The following CFAP70 variants were observed in gnomAD, a reference collection of about 807,000 sequenced individuals.
The protein encoded by CFAP70 is cilia- and flagella-associated protein 70.
CFAP70 carries 81 observed loss-of-function variants against 137.6 expected under a neutral mutation model. That is an observed-to-expected ratio of 0.59 (90% CI 0.49 to 0.71). The LOEUF is 0.71. Ranked by LOEUF, CFAP70 falls within the 30% of genes least tolerant of loss-of-function variation. CFAP70 has a pLI of 0.00. For synonymous variants in CFAP70, 382 were observed against 423.6 expected, an observed-to-expected ratio of 0.90 and a Z score of 1.20; for missense variants, 976 against 1,226.7, an observed-to-expected ratio of 0.80 and a Z score of 3.05.
At chr10:73,359,191 A>G (rs1477021402), upstream of CFAP70, among the ~76,000 whole-genome samples, 7 of 152,244 alleles carry the variant, frequency 4.6e-5, no homozygotes, top group Non-Finnish European at 7.3e-5. Flanking sequence ...TATTTGTACA[A>G]TAAACAGACC....
chr10:73,256,836 GA>G (rs1301177255), intron 25 of CFAP70, among the ~76,000 whole-genome samples: 1 of 146,866 alleles, frequency 6.8e-6, no homozygotes, highest in African/African-American at 2.5e-5. Flanking sequence ...CCAGGAGGCA[GA>G]GGTTGCAGTG....
At chr10:73,326,609 A>G (rs1418366063) in intron 8 of CFAP70, among the ~76,000 whole-genome samples, 1 of 151,764 alleles carries the variant, frequency 6.6e-6, no homozygotes, top group African/African-American at 2.4e-5. Context: ...TAAAGAAGAA[A>G]AGAGAGAAGA....
At chr10:73,338,443 T>A (rs904094016) in intron 6 of CFAP70, among the ~76,000 whole-genome samples, 19 of 148,284 alleles carry the variant, frequency 1.3e-4, no homozygotes, top group African/African-American at 4.0e-4. Flanking sequence ...TTTTTTTTTT[T>A]TTTTTTTTAG....
At chr10:73,262,389 G>A (rs1471627001) in intron 25 of CFAP70, among the ~76,000 whole-genome samples, 3 of 152,058 alleles carry the variant, frequency 2.0e-5, no homozygotes, top group African/African-American at 4.8e-5. Flanking sequence ...TGGTCTCACA[G>A]TGCTTGTATT....
intron 4 of CFAP70, among the ~76,000 whole-genome samples, chr10:73,347,887 T>A (rs2132483896): frequency 6.6e-6 from 1 of 152,334 alleles, no homozygotes; most frequent in Middle Eastern, 3.4e-3. Context: ...TGCCTCTACC[T>A]GCGGACAAAG....
exon 18 of CFAP70, chr10:73,291,705 G>A: frequency 6.2e-7 from 1 of 1,614,062 alleles, no homozygotes; most frequent in Non-Finnish European, 8.5e-7. Context: ...GAAAATTTCT[G>A]CTTGCTCATA....
chr10:73,326,589 G>A (rs1214288439), intron 8 of CFAP70, among the ~76,000 whole-genome samples: 1 of 150,192 alleles, frequency 6.7e-6, no homozygotes, highest in Admixed American at 6.6e-5. Context: ...TAGACTGCTA[G>A]CAAGACTAAT....
intron 25 of CFAP70, among the ~76,000 whole-genome samples, chr10:73,264,152 A>G (rs2045539563): frequency 6.6e-6 from 1 of 152,122 alleles, no homozygotes; most frequent in African/African-American, 2.4e-5. Flanking sequence ...TTTCTGACTC[A>G]ACAAGATCTC....
intron 6 of CFAP70, among the ~76,000 whole-genome samples, chr10:73,336,813 T>C (rs1258102295): frequency 1.3e-5 from 2 of 151,948 alleles, no homozygotes; most frequent in African/African-American, 4.8e-5. Context: ...CCTGACCTCG[T>C]GCTCAGCCTG....
Position 73,335,904 on chromosome 10 carries a change from G to A in CFAP70, c.583-380C>T, listed in dbSNP as rs557454054. On this transcript the variant is annotated intron_variant, in intron 6 of 26. Coordinates refer to ENST00000310715, the Ensembl canonical transcript of CFAP70. ...ACCTGTAATCCCAACACTTTAGGAG[G>A]CCAAGGCAGGAGTACTGCTTGAGGC... 4.6e-5 allele frequency among the ~76,000 whole-genome samples: 7 copies of A among 151,360 alleles called. No homozygotes were observed. The East Asian group carries it at 1.4e-3, about 29-fold the overall frequency.
At chr10:73,350,363 G>A (rs775629588) in intron 3 of CFAP70, among the ~76,000 whole-genome samples, 1 of 152,060 alleles carries the variant, frequency 6.6e-6, no homozygotes, top group Non-Finnish European at 1.5e-5. Flanking sequence ...GATGAAAATA[G>A]CATCTAAACA....
At chr10:73,259,434 C>T (rs1207177580) in intron 25 of CFAP70, among the ~76,000 whole-genome samples, 2 of 152,074 alleles carry the variant, frequency 1.3e-5, no homozygotes, top group African/African-American at 2.4e-5. Flanking sequence ...ACTGCATATT[C>T]CTATATTGTT....
chr10:73,332,360 C>A (rs2052197714), intron 7 of CFAP70, among the ~76,000 whole-genome samples: 1 of 152,070 alleles, frequency 6.6e-6, no homozygotes, highest in South Asian at 2.1e-4. Flanking sequence ...AGAAAAGTAA[C>A]CATTTTGAAA....
At chr10:73,311,879 A>G (rs762174888) in exon 11 of CFAP70, 1 of 1,614,078 alleles carries the variant, frequency 6.2e-7, no homozygotes, top group South Asian at 1.1e-5. Context: ...CTTCCAAAGG[A>G]GTATCTGAGC....
upstream of CFAP70, among the ~76,000 whole-genome samples, chr10:73,360,197 G>C (rs1024827377): frequency 6.6e-6 from 1 of 152,180 alleles, no homozygotes; most frequent in African/African-American, 2.4e-5. Flanking sequence ...TGATGTGGAA[G>C]TTTGTTTGTT....
At chr10:73,269,181 C>CTA (rs2133695165) in intron 25 of CFAP70, among the ~76,000 whole-genome samples, 1 of 152,220 alleles carries the variant, frequency 6.6e-6, no homozygotes, top group South Asian at 2.1e-4. Flanking sequence ...TTATTTAAGT[C>CTA]TAACTATGGG....
At chr10:73,277,402 C>T (rs1407456236) in intron 20 of CFAP70, 41 bp from the exon 22 acceptor site, 3 of 1,600,910 alleles carry the variant, frequency 1.9e-6, no homozygotes, top group Admixed American at 1.7e-5. Flanking sequence ...TTGGATATAA[C>T]AGAAAAAGTG....
At chr10:73,353,079 T>C (rs765166100) in intron 3 of CFAP70, among the ~76,000 whole-genome samples, 1 of 152,236 alleles carries the variant, frequency 6.6e-6, no homozygotes, top group Non-Finnish European at 1.5e-5. Context: ...GCTCCTCCTG[T>C]GTTTTAAAAA....
At chr10:73,271,066 A>C (rs2046268402) in intron 24 of CFAP70, among the ~76,000 whole-genome samples, 1 of 152,210 alleles carries the variant, frequency 6.6e-6, no homozygotes, top group Non-Finnish European at 1.5e-5. Context: ...AGGCTGACGC[A>C]GGAGGATCAA....
Sources: gnomAD v4.1 joint callset for allele counts (sites outside exome capture counted in the v4.1 genomes callset) on GRCh38, gnomAD v4.1.1 for gene constraint, MANE v1.5 for transcripts, NCBI Gene and HGNC (gene_info 2026-07-23, HGNC 2026-07-21) for gene names.